Variants in RHOBTB3 observed in about 807,000 individuals in gnomAD.
The protein encoded by RHOBTB3 is Rho related BTB domain containing 3, also known as rho-related BTB domain-containing protein 3.
In RHOBTB3, 47 loss-of-function variants were observed where a neutral mutation model predicts 67.2. The ratio of observed to expected loss-of-function variants is 0.70; its 90% CI spans 0.55 to 0.89. The LOEUF (loss-of-function observed/expected upper bound fraction) is 0.89, where lower values mean the gene tolerates loss of function less well. RHOBTB3 is among the 40% of genes least tolerant of loss of function. The probability of loss-of-function intolerance (pLI) is 0.00; values close to 1 mark genes in which losing one functional copy is unlikely to be tolerated. For synonymous variants in RHOBTB3, 273 were observed against 274.2 expected, an observed-to-expected ratio of 1.00 and a Z score of 0.04; for missense variants, 631 against 750.0, an observed-to-expected ratio of 0.84 and a Z score of 1.85.
intron 1 of RHOBTB3, chr5:95,717,825 TGATTTAGAAGGGACATATAG>T (rs1447365254): frequency 6.6e-6 from 1 of 152,204 alleles, no homozygotes; most frequent in African/African-American, 2.4e-5. Context: ...GTGAGAAGAT[TGATTTAGAAGGGACATATAG>T]GATGGGGTTA....
chr5:95,785,751 C>G (rs1397898110), intron 10 of RHOBTB3, among the ~76,000 whole-genome samples: 1 of 152,200 alleles, frequency 6.6e-6, no homozygotes, highest in Non-Finnish European at 1.5e-5. Flanking sequence ...CATTTTCATA[C>G]TATTCTAACA....
intron 3 of RHOBTB3, among the ~76,000 whole-genome samples, chr5:95,743,169 G>C (rs556053706): frequency 3.5e-4 from 54 of 152,320 alleles, no homozygotes; most frequent in African/African-American, 1.3e-3. Context: ...TTGGTTTTAA[G>C]ATGGCATTAT....
chr5:95,763,584 C>T lies in RHOBTB3; in HGVS notation c.1125C>T (p.Ile375=), dbSNP rs764374132. The change falls in exon 7 of 12, where the codon ATC becomes ATT. Residue 375 remains isoleucine (I), a synonymous_variant. Coordinates refer to ENST00000379982, the MANE Select transcript of RHOBTB3 (RefSeq NM_014899.4). ...ATTCTGGGGATGTTTCAAATGTAAT[C>T]GAGAAAGTTAAATGCATTTTAAAAA... ...LKDSGDVSNV[I]EKVKCILKTP... 5.0e-6 allele frequency: 8 copies of T among 1,610,218 alleles called. No homozygotes were observed. Among genetic ancestry groups the T allele is most frequent in the Admixed American group, 1.7e-5 (1 of 59,918 alleles).
At chr5:95,756,098 G>A (rs12054787) in intron 6 of RHOBTB3, 8,329 of 205,058 alleles carry the variant, frequency 0.041, 300 homozygotes, top group South Asian at 0.13. Flanking sequence ...ACCACCATCC[G>A]TGTCCATAAT....
At position 95,755,488 on chromosome 5, in the gene RHOBTB3, T is replaced by C. The variant is rs1414153492; in HGVS notation, c.775T>C (p.Tyr259His). Residue 259 changes from tyrosine to histidine, a missense_variant, in exon 6 of 12, where the codon TAC becomes CAC. Tyr to His is a moderately conservative substitution (Grantham distance 83). Transcript: ENST00000379982. ...CTGCCAGTGTGTGGACGTGGTATTT[T>C]ACAACCCCAATTTAAAGAAAGTTGT... Reference protein sequence around the residue: ...FCCQCVDVVFYNPNLKKVVEA... With the variant: ...FCCQCVDVVFHNPNLKKVVEA... 8 of 1,614,056 alleles carry C rather than the reference T, an allele frequency of 5.0e-6. No homozygotes were observed. In the South Asian group the frequency reaches 8.8e-5, roughly 18 times the overall value.
At chr5:95,737,815 C>T (rs563104782) in intron 3 of RHOBTB3, among the ~76,000 whole-genome samples, 9 of 152,314 alleles carry the variant, frequency 5.9e-5, no homozygotes, top group Non-Finnish European at 1.0e-4. Flanking sequence ...CCACGCAACC[C>T]ACATACATCA....
Position 95,793,224 on chromosome 5 carries a change from G to A in RHOBTB3, c.*50G>A, listed in dbSNP as rs774656499. On this transcript the variant is annotated 3_prime_UTR_variant, in exon 12 of 12. Transcript: ENST00000379982. ...TCTTTTTTATTATTATGAAGAATGG[G>A]ATACCTCCAGGTTCCAGTAAAATTC... is the stretch of plus-strand genomic sequence containing the variant. 2 of 1,216,614 alleles carry A rather than the reference G, an allele frequency of 1.6e-6. No homozygotes were observed. Among genetic ancestry groups the A allele is most frequent in the Non-Finnish European group, 2.4e-6 (2 of 847,622 alleles). The allele number at this position is 1,216,614 out of a possible 1,614,324, so 75.4% of individuals were successfully genotyped here. A position where few individuals can be genotyped will look rare whatever the true frequency, so the allele number is the denominator to read the frequency against.
intron 3 of RHOBTB3, among the ~76,000 whole-genome samples, chr5:95,739,661 C>T (rs941535378): frequency 9.2e-5 from 14 of 152,104 alleles, no homozygotes; most frequent in Non-Finnish European, 1.9e-4. Flanking sequence ...AACGATGCCC[C>T]CCACCTCAGC....
rs1169430464 is a variant in RHOBTB3 at position 95,737,128 on chromosome 5, T to G, written c.415+53T>G. 2.5e-6 allele frequency: 3 copies of G among 1,205,170 alleles called. No individual in the cohort carries two copies. The African/African-American group carries it at 4.7e-5, about 19-fold the overall frequency. The allele number at this position is 1,205,170 out of a possible 1,614,324, so 74.7% of individuals were successfully genotyped here. On this transcript the variant is annotated intron_variant, in intron 3 of 11. Transcript: ENST00000379982. ...TGAGCATGCAAATATTATATATACT[T>G]TAAATAGTGCTAAGTTTATTAATGG...
At chr5:95,776,551 C>T (rs189361641) in intron 8 of RHOBTB3, among the ~76,000 whole-genome samples, 26 of 151,906 alleles carry the variant, frequency 1.7e-4, no homozygotes, top group African/African-American at 3.4e-4. Context: ...CAGTTTTGAG[C>T]GTGAATATTA....
chr5:95,789,929 G>A (rs935832167), intron 11 of RHOBTB3, among the ~76,000 whole-genome samples: 6 of 152,190 alleles, frequency 3.9e-5, no homozygotes, highest in African/African-American at 1.4e-4. Flanking sequence ...GAGGCTGAAG[G>A]ATCACTTGAA....
At chr5:95,783,288 AT>A (rs925517033) in intron 9 of RHOBTB3, among the ~76,000 whole-genome samples, 2 of 130,286 alleles carry the variant, frequency 1.5e-5, no homozygotes, top group Non-Finnish European at 3.6e-5. Flanking sequence ...CACCTGGCTA[AT>A]TTTTTTTTAT....
Position 95,775,585 on chromosome 5 carries a change from T to G in RHOBTB3, c.1283-4667T>G, listed in dbSNP as rs530440703. The stretch of plus-strand genomic sequence containing the variant: ...TCAACCTGTGCCAGGCATGAAGGTT[T>G]GCTTTTTAGATCATGTTAATGCCTC... On this transcript the variant is annotated intron_variant, in intron 8 of 11. Coordinates refer to ENST00000379982, the MANE Select transcript of RHOBTB3 (RefSeq NM_014899.4). Among the ~76,000 whole-genome samples the G allele has an allele frequency of 3.3e-5, 5 of 152,166 alleles. No homozygotes were observed. The East Asian group carries it at 9.6e-4, about 29-fold the overall frequency.
intron 2 of RHOBTB3, 99 bp downstream of exon 2, chr5:95,732,183 C>T (rs1457882181): frequency 9.1e-7 from 1 of 1,094,844 alleles, no homozygotes; most frequent in Admixed American, 1.9e-5. Flanking sequence ...TGTGGAGTGT[C>T]CGCGTTACAT....
intron 2 of RHOBTB3, among the ~76,000 whole-genome samples, chr5:95,733,394 G>T (rs2112771516): frequency 6.6e-6 from 1 of 152,264 alleles, no homozygotes; most frequent in South Asian, 2.1e-4. Flanking sequence ...TTGAATAAAT[G>T]TTTAGCGAAT....
At chr5:95,748,521 T>G (rs1744997569) in intron 4 of RHOBTB3, 34 bp downstream of exon 4, 2 of 1,536,764 alleles carry the variant, frequency 1.3e-6, no homozygotes, top group Non-Finnish European at 1.8e-6. Flanking sequence ...ATAAAGTTAT[T>G]TGTCAGGTTG....
chr5:95,732,331 G>A (rs1755309110), intron 2 of RHOBTB3: 2 of 595,434 alleles, frequency 3.4e-6, no homozygotes, highest in African/African-American at 1.9e-5. Flanking sequence ...TACACTTCAC[G>A]ACTGTGGGTT....
chr5:95,757,649 T>C (rs1745284962), intron 6 of RHOBTB3, among the ~76,000 whole-genome samples: 1 of 152,250 alleles, frequency 6.6e-6, no homozygotes, highest in African/African-American at 2.4e-5. Flanking sequence ...TTTTGAAAAG[T>C]ACAGTTGCAG....
chr5:95,751,789 A>AT (rs1190010505), intron 4 of RHOBTB3, among the ~76,000 whole-genome samples: 1 of 152,114 alleles, frequency 6.6e-6, no homozygotes, highest in African/African-American at 2.4e-5. Context: ...AACATGTGGT[A>AT]TTTGGTTTCT....
Sources: gnomAD v4.1 joint callset for allele counts (sites outside exome capture counted in the v4.1 genomes callset) on GRCh38, gnomAD v4.1.1 for gene constraint, MANE v1.5 for transcripts, NCBI Gene and HGNC (gene_info 2026-07-23, HGNC 2026-07-21) for gene names.